Variants in GSG1L observed in about 807,000 individuals in gnomAD.
GSG1L encodes the protein GSG1 like.
In GSG1L, 24 loss-of-function variants were observed where a neutral mutation model predicts 42.1. The observed-to-expected ratio is 0.57, with a 90% CI of 0.41 to 0.80. The LOEUF is 0.80. GSG1L is among the 30% of genes least tolerant of loss of function. GSG1L has a pLI of 0.00. For synonymous variants in GSG1L, 215 were observed against 203.5 expected (o/e 1.06, Z -0.48); for missense variants, 445 against 472.2 (o/e 0.94, Z 0.53).
intron 3 of GSG1L, chr16:27,850,403 T>TCAGAACC: frequency 2.4e-6 from 1 of 417,534 alleles, no homozygotes; most frequent in South Asian, 1.7e-5. Flanking sequence ...CAAGGAGTAG[T>TCAGAACC]CAGAACCGGA....
At chr16:27,979,783 AAAAAGAAAG>A (rs1438541866) in intron 1 of GSG1L, among the ~76,000 whole-genome samples, 1 of 142,794 alleles carries the variant, frequency 7.0e-6, no homozygotes, top group Non-Finnish European at 1.5e-5. Flanking sequence ...AGAAAGAAAG[AAAAAGAAAG>A]AAAGGAAAGA....
Position 28,059,561 on chromosome 16 carries a change from C to G in GSG1L, c.349+3515G>C, listed in dbSNP as rs1208761970. Among the ~76,000 whole-genome samples the G allele has an allele frequency of 6.6e-6, 1 of 152,040 alleles. No homozygotes were observed. Among genetic ancestry groups the G allele is most frequent in the South Asian group, 2.1e-4 (1 of 4,818 alleles). On this transcript the variant is annotated intron_variant, in intron 1 of 6. Coordinates refer to ENST00000447459, the MANE Select transcript of GSG1L (RefSeq NM_001109763.2). This position sits in a 1 kb window ranked among gnomAD's most constrained non-coding sequence, Gnocchi z 4.4. ...GAAGTCCAACGCATGTGGACGTCACCTGTGCTCCCAGCTGGCACAAGCTCC... is the reference window on the plus strand; with the variant it reads ...GAAGTCCAACGCATGTGGACGTCACGTGTGCTCCCAGCTGGCACAAGCTCC...
chr16:27,905,200 G>C lies in GSG1L; in HGVS notation c.398-20562C>G, dbSNP rs538411990. 7.9e-5 allele frequency among the ~76,000 whole-genome samples: 12 copies of C among 152,250 alleles called. No homozygotes were observed. The South Asian group carries it at 1.7e-3, about 21-fold the overall frequency. On this transcript the variant is annotated intron_variant, in intron 2 of 6. Transcript: ENST00000447459. Reference sequence around the variant, plus strand: ...TTTGAAGAAGGTCACACGGCTTCTAGCCGAGCATGGTCTCCAACCCAGTAC... The same window carrying C: ...TTTGAAGAAGGTCACACGGCTTCTACCCGAGCATGGTCTCCAACCCAGTAC...
chr16:27,885,161 T>A (rs1718081483), intron 2 of GSG1L, among the ~76,000 whole-genome samples: 1 of 152,116 alleles, frequency 6.6e-6, no homozygotes, highest in Admixed American at 6.5e-5. Flanking sequence ...TTTGTGGGAT[T>A]TTTTTTGAGA....
At chr16:27,852,512 A>G (rs957397578) in intron 3 of GSG1L, among the ~76,000 whole-genome samples, 1 of 151,970 alleles carries the variant, frequency 6.6e-6, no homozygotes, top group Non-Finnish European at 1.5e-5. Flanking sequence ...ATGATATAGC[A>G]GCTGAGAGTG....
chr16:27,888,318 G>A lies in GSG1L; in HGVS notation c.398-3680C>T, dbSNP rs370080748. Among the ~76,000 whole-genome samples, 3 of 152,218 alleles carry A rather than the reference G, an allele frequency of 2.0e-5. No individual in the cohort carries two copies. In the East Asian group the frequency reaches 5.8e-4, roughly 29 times the overall value. Reference sequence around the variant, plus strand: ...CAGAGCTTGGAGGTGGGGATGCTCCGGAAGTAACTTAACCATGGGGAAATA... The same window carrying A: ...CAGAGCTTGGAGGTGGGGATGCTCCAGAAGTAACTTAACCATGGGGAAATA... On this transcript the variant is annotated intron_variant, in intron 2 of 6. Transcript: ENST00000447459.
intron 1 of GSG1L, among the ~76,000 whole-genome samples, chr16:28,046,280 G>C (rs1428624256): frequency 1.3e-5 from 2 of 149,078 alleles, no homozygotes; most frequent in African/African-American, 4.9e-5. Flanking sequence ...CAGGCCGTTA[G>C]CTATTGCTAG....
intron 2 of GSG1L, among the ~76,000 whole-genome samples, chr16:27,905,841 C>T (rs1167508271): frequency 6.6e-6 from 1 of 152,050 alleles, no homozygotes; most frequent in African/African-American, 2.4e-5. Flanking sequence ...TTTTCTCTTG[C>T]CACTACCCTT....
At chr16:27,792,628 C>T (rs917190682) in intron 6 of GSG1L, among the ~76,000 whole-genome samples, 2 of 152,284 alleles carry the variant, frequency 1.3e-5, no homozygotes, top group South Asian at 2.1e-4. Context: ...CCCTGGCACT[C>T]AGGGATCTCC....
At chr16:27,940,197 G>T (rs974491446) in intron 2 of GSG1L, among the ~76,000 whole-genome samples, 6 of 152,062 alleles carry the variant, frequency 3.9e-5, no homozygotes, top group African/African-American at 1.4e-4. Flanking sequence ...AAAAAGTCAG[G>T]AAACAACAGG....
At chr16:27,980,111 G>C (rs2085309786) in intron 1 of GSG1L, among the ~76,000 whole-genome samples, 1 of 152,164 alleles carries the variant, frequency 6.6e-6, no homozygotes, top group Non-Finnish European at 1.5e-5. Flanking sequence ...GGGGAACCTG[G>C]CAGGGCCACA....
chr16:27,790,275 T>C lies in GSG1L; in HGVS notation c.*1095A>G, dbSNP rs193277996. 6.6e-6 allele frequency: 1 copy of C among 152,190 alleles called. No individual in the cohort carries two copies. Among genetic ancestry groups the C allele is most frequent in the East Asian group, 1.9e-4 (1 of 5,172 alleles). 9.4% of individuals were successfully genotyped at this position (152,190 alleles called of 1,614,324 possible). The stretch of plus-strand genomic sequence containing the variant: ...GAGTGATGGATGATGGATGGAAGGA[T>C]GGAAGGATAAAGGAGAAGAATATAT... On this transcript the variant is annotated 3_prime_UTR_variant, in exon 7 of 7. Coordinates refer to ENST00000447459, the MANE Select transcript of GSG1L (RefSeq NM_001109763.2).
chr16:28,048,808 A>G (rs2086192459), intron 1 of GSG1L, among the ~76,000 whole-genome samples: 1 of 152,224 alleles, frequency 6.6e-6, no homozygotes, highest in Admixed American at 6.5e-5. Context: ...TTTTCAATGT[A>G]AAAACTTGCA....
At chr16:27,810,307 C>T (rs900238061) in intron 5 of GSG1L, among the ~76,000 whole-genome samples, 6 of 151,954 alleles carry the variant, frequency 3.9e-5, no homozygotes, top group Non-Finnish European at 8.8e-5. Flanking sequence ...GGTGAAATCC[C>T]GTCTCTACAA....
At chr16:27,983,089 C>T (rs1190742047) in intron 1 of GSG1L, among the ~76,000 whole-genome samples, 1 of 152,184 alleles carries the variant, frequency 6.6e-6, no homozygotes, top group Non-Finnish European at 1.5e-5. Flanking sequence ...AATCCCAGCA[C>T]TTTGGGAGGA....
At chr16:27,934,105 A>G (rs967958901) in intron 2 of GSG1L, among the ~76,000 whole-genome samples, 1 of 152,234 alleles carries the variant, frequency 6.6e-6, no homozygotes, top group African/African-American at 2.4e-5. Context: ...GCGGGGCAGA[A>G]CAACCTTCCC....
At chr16:27,949,848 C>G (rs985551914) in intron 2 of GSG1L, among the ~76,000 whole-genome samples, 6 of 152,162 alleles carry the variant, frequency 3.9e-5, no homozygotes, top group Non-Finnish European at 8.8e-5. Context: ...TGGCATGAAC[C>G]CGGGAGGCAG....
intron 2 of GSG1L, among the ~76,000 whole-genome samples, chr16:27,951,441 C>A (rs924958541): frequency 6.6e-6 from 1 of 152,124 alleles, no homozygotes; most frequent in Non-Finnish European, 1.5e-5. Flanking sequence ...GGCCCTGGAC[C>A]ACCAGGAGGT....
At chr16:27,863,189 T>G (rs1294389559) in intron 3 of GSG1L, 2 of 152,214 alleles carry the variant, frequency 1.3e-5, no homozygotes, top group East Asian at 3.8e-4. Flanking sequence ...TTGTTATTCT[T>G]TTTACCCACC....
Sources: gnomAD v4.1 joint callset for allele counts (sites outside exome capture counted in the v4.1 genomes callset) on GRCh38, gnomAD v4.1.1 for gene constraint, Gnocchi (gnomAD v3.1) non-coding constraint, MANE v1.5 for transcripts, NCBI Gene and HGNC (gene_info 2026-07-23, HGNC 2026-07-21) for gene names.